DACH2: variants seen among roughly 807,000 people sequenced by gnomAD.
The protein encoded by DACH2 is dachshund homolog 2.
DACH2 carries 17 observed loss-of-function variants against 35.8 expected under a neutral mutation model. The observed-to-expected ratio is 0.48, with a 90% CI of 0.33 to 0.71. DACH2 has a LOEUF of 0.71. Ranked by LOEUF, DACH2 falls within the 30% of genes least tolerant of loss-of-function variation. DACH2 has a pLI of 0.02. For synonymous variants in DACH2, 195 were observed against 177.3 expected (o/e 1.10, Z -0.79); for missense variants, 469 against 472.7 (o/e 0.99, Z 0.07).
At position 86,832,195 on chromosome X, in the gene DACH2, A is replaced by T; in HGVS notation, c.*40A>T. On this transcript the variant is annotated 3_prime_UTR_variant, in exon 12 of 12. Transcript: ENST00000373125. ...CTTTACATAAATGAAGATGCTTGTG[A>T]TTCCAGTTTATCTCTGAAACTATTC... 9.7e-7 allele frequency: 1 copy of T among 1,033,991 alleles called. No individual in the cohort carries two copies. Among genetic ancestry groups the T allele is most frequent in the Non-Finnish European group, 1.4e-6 (1 of 739,806 alleles). The allele number at this position is 1,033,991 out of a possible 1,213,427, so 85.2% of individuals were successfully genotyped here. A position where few individuals can be genotyped will look rare whatever the true frequency, so the allele number is the denominator to read the frequency against.
intron 3 of DACH2, among the ~76,000 whole-genome samples, chrX:86,568,375 G>A (rs954563497): frequency 9.9e-5 from 11 of 110,932 alleles, no homozygotes; most frequent in African/African-American, 3.3e-4. Flanking sequence ...CTGCAGGGGT[G>A]TTATGATGTA....
At chrX:86,176,107 G>A (rs1267158765) in intron 1 of DACH2, among the ~76,000 whole-genome samples, 2 of 110,902 alleles carry the variant, frequency 1.8e-5, no homozygotes, top group African/African-American at 6.6e-5. Flanking sequence ...AGCAGTATGA[G>A]TATAACAAAG....
chrX:86,766,993 T>G (rs753772823), intron 7 of DACH2, among the ~76,000 whole-genome samples: 1 of 112,022 alleles, frequency 8.9e-6, no homozygotes, highest in Non-Finnish European at 1.9e-5. Context: ...TACATTTAAA[T>G]TTTCTTTTGC....
intron 7 of DACH2, among the ~76,000 whole-genome samples, chrX:86,747,501 T>C (rs1244162979): frequency 8.9e-6 from 1 of 111,854 alleles, no homozygotes; most frequent in Admixed American, 9.5e-5. Context: ...ATAAAGCAAG[T>C]CACACAAATT....
At chrX:86,177,252 C>G (rs982526603) in intron 1 of DACH2, among the ~76,000 whole-genome samples, 6 of 112,246 alleles carry the variant, frequency 5.3e-5, no homozygotes, top group Non-Finnish European at 1.1e-4. Flanking sequence ...CAGTGAAGAA[C>G]TTAGAAATAG....
chrX:86,570,149 T>C (rs1395313663), intron 3 of DACH2, among the ~76,000 whole-genome samples: 13 of 111,744 alleles, frequency 1.2e-4, no homozygotes, highest in African/African-American at 4.2e-4. Context: ...GGAATATAAA[T>C]TTATTCAACT....
At chrX:86,494,939 G>C (rs924432435) in intron 2 of DACH2, among the ~76,000 whole-genome samples, 2 of 111,179 alleles carry the variant, frequency 1.8e-5, no homozygotes, top group East Asian at 5.6e-4. Context: ...AAAAGAAACA[G>C]GTGAAATTAA....
chrX:86,382,440 G>A (rs1280290691), intron 2 of DACH2, among the ~76,000 whole-genome samples: 1 of 103,538 alleles, frequency 9.7e-6, no homozygotes, highest in Non-Finnish European at 1.9e-5. Context: ...AACTCTCAGA[G>A]TTGCAAATAT....
intron 1 of DACH2, among the ~76,000 whole-genome samples, chrX:86,291,432 A>G (rs1315463630): frequency 1.0e-5 from 1 of 100,268 alleles, no homozygotes; most frequent in Non-Finnish European, 2.0e-5. Context: ...CTCCTGCCTA[A>G]TTGGCCTGGC....
At chrX:86,644,417 A>T (rs992346522) in intron 3 of DACH2, among the ~76,000 whole-genome samples, 2 of 111,499 alleles carry the variant, frequency 1.8e-5, no homozygotes, top group African/African-American at 3.3e-5. Context: ...CAAATAAATC[A>T]GAGAAGACAC....
chrX:86,608,567 T>C (rs1023785634), intron 3 of DACH2, among the ~76,000 whole-genome samples: 3 of 112,185 alleles, frequency 2.7e-5, no homozygotes, highest in African/African-American at 9.7e-5. Flanking sequence ...TACTTATTGC[T>C]CCTTAATATC....
At chrX:86,697,038 G>T (rs2041075444) in intron 5 of DACH2, among the ~76,000 whole-genome samples, 1 of 111,475 alleles carries the variant, frequency 9.0e-6, no homozygotes, top group Non-Finnish European at 1.9e-5. Flanking sequence ...ACTTTTATGT[G>T]AGGGGAAAAG....
At chrX:86,727,038 A>G (rs778068491) in intron 6 of DACH2, among the ~76,000 whole-genome samples, 1 of 112,740 alleles carries the variant, frequency 8.9e-6, no homozygotes, top group African/African-American at 3.2e-5. Context: ...TTAAATTTGT[A>G]TAACTCATTA....
At chrX:86,300,563 C>G (rs1288471264) in intron 1 of DACH2, among the ~76,000 whole-genome samples, 1 of 109,499 alleles carries the variant, frequency 9.1e-6, no homozygotes, top group East Asian at 2.9e-4. Context: ...GGAGGGATAG[C>G]ATTAGGAGAT....
Position 86,353,996 on chromosome X carries a change from A to G in DACH2, c.489-22828A>G, listed in dbSNP as rs2035601843. On this transcript the variant is annotated intron_variant, in intron 1 of 11. Coordinates refer to ENST00000373125, the MANE Select transcript of DACH2 (RefSeq NM_053281.3). ...TTTCCAACTTGGTTCCATTCTCCAC[A>G]TCACTTTCAGGTACACCAATCAGAC... 4.7e-5 allele frequency among the ~76,000 whole-genome samples: 2 copies of G among 42,552 alleles called. 1 individual carries two copies. Among genetic ancestry groups the G allele is most frequent in the Non-Finnish European group, 7.9e-5 (2 of 25,407 alleles). 37.0% of individuals were successfully genotyped at this position (42,552 alleles called of 115,157 possible).
chrX:86,187,636 G>T (rs1334595354), intron 1 of DACH2, among the ~76,000 whole-genome samples: 1 of 110,894 alleles, frequency 9.0e-6, no homozygotes, highest in Non-Finnish European at 1.9e-5. Context: ...GTGTTGGCCA[G>T]GCTGGTCTCA....
At chrX:86,450,544 T>C (rs2037356494) in intron 2 of DACH2, among the ~76,000 whole-genome samples, 1 of 111,401 alleles carries the variant, frequency 9.0e-6, no homozygotes, top group Non-Finnish European at 1.9e-5. Context: ...CACATGCATG[T>C]ATCCTTATGA....
At chrX:86,744,429 C>G (rs1470839572) in intron 7 of DACH2, among the ~76,000 whole-genome samples, 2 of 111,839 alleles carry the variant, frequency 1.8e-5, no homozygotes, top group Non-Finnish European at 3.8e-5. Context: ...GAAGTGTCAA[C>G]ATTTATTAAC....
intron 1 of DACH2, among the ~76,000 whole-genome samples, chrX:86,320,852 T>C (rs2035002037): frequency 8.9e-6 from 1 of 112,239 alleles, no homozygotes; most frequent in South Asian, 3.7e-4. Flanking sequence ...AAGGAAAGCT[T>C]GCTTTAGCTG....
Sources: gnomAD v4.1 joint callset for allele counts (sites outside exome capture counted in the v4.1 genomes callset) on GRCh38, gnomAD v4.1.1 for gene constraint, MANE v1.5 for transcripts, NCBI Gene and HGNC (gene_info 2026-07-23, HGNC 2026-07-21) for gene names.